Variants in ADK observed in about 807,000 individuals in gnomAD.
ADK encodes the protein adenosine kinase, also known as N6,N6-dimethyladenosine kinase.
A neutral mutation model predicts 44.7 loss-of-function variants in ADK; 24 were observed. That is an observed-to-expected ratio of 0.54 (90% CI 0.39 to 0.76). The LOEUF is 0.76. Ranked by LOEUF, ADK falls within the 30% of genes least tolerant of loss-of-function variation. The probability of loss-of-function intolerance (pLI) is 0.00; values close to 1 mark genes in which losing one functional copy is unlikely to be tolerated. For synonymous variants in ADK, 128 were observed against 142.6 expected (o/e 0.90, Z 0.73); for missense variants, 321 against 425.1 (o/e 0.76, Z 2.15).
At chr10:74,170,719 G>C (rs1218796941) in intron 1 of ADK, among the ~76,000 whole-genome samples, 2 of 149,332 alleles carry the variant, frequency 1.3e-5, no homozygotes, top group African/African-American at 4.9e-5. Flanking sequence ...AGAATGGCGT[G>C]AATCTGGGAG....
At chr10:74,460,096 C>G (rs990168915) in intron 6 of ADK, among the ~76,000 whole-genome samples, 5 of 152,178 alleles carry the variant, frequency 3.3e-5, no homozygotes, top group African/African-American at 1.2e-4. Flanking sequence ...GGCTATCCAA[C>G]TGTTTCTCGG....
At chr10:74,208,935 C>G (rs1256677764) in intron 2 of ADK, among the ~76,000 whole-genome samples, 1 of 152,050 alleles carries the variant, frequency 6.6e-6, no homozygotes, top group African/African-American at 2.4e-5. Flanking sequence ...CAGGGTTTCA[C>G]CATGTTGGCC....
intron 1 of ADK, among the ~76,000 whole-genome samples, chr10:74,189,050 C>A (rs1396630210): frequency 4.0e-5 from 6 of 150,872 alleles, no homozygotes; most frequent in Non-Finnish European, 8.9e-5. Flanking sequence ...CCGCTCCCAG[C>A]CACATTTCTT....
intron 6 of ADK, among the ~76,000 whole-genome samples, chr10:74,436,765 G>A (rs1845191816): frequency 6.6e-6 from 1 of 152,092 alleles, no homozygotes; most frequent in Non-Finnish European, 1.5e-5. Context: ...CGAGTAAATG[G>A]ATCACAGCCT....
chr10:74,234,613 C>G (rs1844893338), intron 3 of ADK, among the ~76,000 whole-genome samples: 1 of 152,040 alleles, frequency 6.6e-6, no homozygotes, highest in Admixed American at 6.6e-5. Flanking sequence ...GTAGGTAATA[C>G]TGTGTTTTAT....
intron 7 of ADK, among the ~76,000 whole-genome samples, chr10:74,587,682 G>T (rs886289130): frequency 6.0e-5 from 9 of 150,604 alleles, no homozygotes; most frequent in African/African-American, 2.2e-4. Flanking sequence ...TCTTGGCAAA[G>T]ATAATTTTGG....
At chr10:74,223,133 G>A (rs547726657) in intron 2 of ADK, among the ~76,000 whole-genome samples, 1 of 152,294 alleles carries the variant, frequency 6.6e-6, no homozygotes, top group East Asian at 1.9e-4. Context: ...AGGTTGAGAA[G>A]TCCAAGGTCA....
intron 10 of ADK, among the ~76,000 whole-genome samples, chr10:74,674,606 G>C (rs1271428137): frequency 2.0e-5 from 3 of 152,050 alleles, no homozygotes; most frequent in Admixed American, 2.0e-4. Flanking sequence ...AATCAGCCAG[G>C]TGTGGTGGCT....
At chr10:74,696,364 GT>G (rs1856205318) in intron 10 of ADK, among the ~76,000 whole-genome samples, 1 of 149,692 alleles carries the variant, frequency 6.7e-6, no homozygotes, top group Non-Finnish European at 1.5e-5. Flanking sequence ...ATTTATTTTT[GT>G]TTTTGTTTTT....
chr10:74,650,584 C>T (rs913806866), intron 9 of ADK, among the ~76,000 whole-genome samples: 1 of 152,108 alleles, frequency 6.6e-6, no homozygotes, highest in African/African-American at 2.4e-5. Context: ...CTAGCACAGC[C>T]TGTCAGTACA....
Position 74,589,325 on chromosome 10 carries a change from A to G in ADK, c.762+8A>G. On this transcript the variant is annotated splice_region_variant and intron_variant, in intron 8 of 10. Coordinates refer to ENST00000539909, the MANE Select transcript of ADK (RefSeq NM_006721.4). ...AGAGAGCAAGGCTTTGAGGTGAGTT[A>G]ACCCACAATTGCACACTAAACAGAT... 1 of 1,613,704 alleles carries G rather than the reference A, an allele frequency of 6.2e-7. No homozygotes were observed. Among genetic ancestry groups the G allele is most frequent in the Non-Finnish European group, 8.5e-7 (1 of 1,179,728 alleles).
At chr10:74,526,249 C>T (rs1849036347) in intron 7 of ADK, among the ~76,000 whole-genome samples, 1 of 152,052 alleles carries the variant, frequency 6.6e-6, no homozygotes, top group African/African-American at 2.4e-5. Context: ...GGAATTTCAT[C>T]TCAACAAGTA....
At chr10:74,513,052 T>C (rs772123129) in intron 6 of ADK, among the ~76,000 whole-genome samples, 4 of 152,168 alleles carry the variant, frequency 2.6e-5, no homozygotes, top group Non-Finnish European at 5.9e-5. Flanking sequence ...TTAATTTTCA[T>C]GTAATGGTAT....
intron 6 of ADK, among the ~76,000 whole-genome samples, chr10:74,477,440 T>G (rs1846895722): frequency 6.6e-6 from 1 of 152,172 alleles, no homozygotes; most frequent in Non-Finnish European, 1.5e-5. Context: ...ACTCCTAGGC[T>G]CACGTGATCT....
Position 74,421,469 on chromosome 10 carries a change from A to G in ADK, c.555+22890A>G, listed in dbSNP as rs544773151. Among the ~76,000 whole-genome samples, 6 of 152,340 alleles carry G rather than the reference A, an allele frequency of 3.9e-5. No individual in the cohort carries two copies. The South Asian group carries it at 1.2e-3, about 32-fold the overall frequency. ...TATTTACTCATGTTTAGCTTAATAT[A>G]TGCAGATGGATAGATGCAGAAATAA... On this transcript the variant is annotated intron_variant, in intron 6 of 10. Coordinates refer to ENST00000539909, the MANE Select transcript of ADK (RefSeq NM_006721.4).
chr10:74,205,553 G>A (rs1416666973), intron 2 of ADK, among the ~76,000 whole-genome samples: 3 of 151,744 alleles, frequency 2.0e-5, no homozygotes, highest in African/African-American at 7.3e-5. Flanking sequence ...GTGTGTGCCT[G>A]TAATCCCAGA....
chr10:74,471,322 C>T (rs1373310969), intron 6 of ADK, among the ~76,000 whole-genome samples: 1 of 152,150 alleles, frequency 6.6e-6, no homozygotes, highest in Non-Finnish European at 1.5e-5. Flanking sequence ...GATCCACCTG[C>T]CTCAGCCTCC....
chr10:74,211,742 A>G (rs1396464592), intron 2 of ADK, among the ~76,000 whole-genome samples: 1 of 152,164 alleles, frequency 6.6e-6, no homozygotes, highest in Non-Finnish European at 1.5e-5. Flanking sequence ...ATGAATTTCA[A>G]CATTTTATTT....
intron 3 of ADK, among the ~76,000 whole-genome samples, chr10:74,314,165 TC>T: frequency 6.6e-6 from 1 of 152,090 alleles, no homozygotes. Flanking sequence ...ATACTTCATC[TC>T]TTTTGAAGTG....
Sources: allele counts gnomAD v4.1 joint callset (sites outside exome capture counted in the v4.1 genomes callset), GRCh38; gene constraint gnomAD v4.1.1; transcripts MANE v1.5; gene names NCBI Gene and HGNC (gene_info 2026-07-23, HGNC 2026-07-21).